KLRG1: variants seen among roughly 807,000 people sequenced by gnomAD.
The protein encoded by KLRG1 is killer cell lectin-like receptor subfamily G member 1.
A neutral mutation model predicts 21.8 loss-of-function variants in KLRG1; 16 were observed. That is an observed-to-expected ratio of 0.73 (90% CI 0.50 to 1.11). KLRG1 has a LOEUF of 1.11. Among genes scored for constraint, KLRG1 ranks in the 50% most tolerant of loss-of-function variants. The probability of loss-of-function intolerance (pLI) is 0.00; values close to 1 mark genes in which losing one functional copy is unlikely to be tolerated. For synonymous variants in KLRG1, 69 were observed against 75.9 expected (o/e 0.91, Z 0.47); for missense variants, 173 against 218.3 (o/e 0.79, Z 1.31).
At chr12:9,208,780 T>C in the KLRG1 span, among the ~76,000 whole-genome samples, 1 of 152,150 alleles carries the variant, frequency 6.6e-6, no homozygotes, top group Non-Finnish European at 1.5e-5. Context: ...AACTATAGAC[T>C]TTAGGGTTTT....
rs761117407 is a variant in KLRG1 at position 9,006,944 on chromosome 12, C to T, written c.358-2031C>T. Among the ~76,000 whole-genome samples the T allele has an allele frequency of 3.8e-4, 58 of 152,270 alleles. 2 individuals are homozygous for T. In the South Asian group the frequency reaches 8.1e-3, roughly 21 times the overall value. ...TATTTCAAATGATACTGGGAATGAA[C>T]GCAAAGGGATTTTGCAAACCTTAGA... On this transcript the variant is annotated intron_variant, in intron 3 of 4. Transcript: ENST00000356986.
chr12:9,192,507 CT>C, the KLRG1 span: 8 of 1,609,120 alleles, frequency 5.0e-6, no homozygotes, highest in South Asian at 8.8e-5. Flanking sequence ...TGGCCTCATT[CT>C]TACCAGGTAA....
chr12:8,979,039 A>C (rs1242185062), intron 1 of KLRG1, among the ~76,000 whole-genome samples: 3 of 113,810 alleles, frequency 2.6e-5, no homozygotes, highest in Non-Finnish European at 5.4e-5. Flanking sequence ...TTTTTTAGAC[A>C]TATCTTGCTC....
the KLRG1 span, chr12:9,067,721 A>G: frequency 7.9e-6 from 8 of 1,012,322 alleles, no homozygotes; most frequent in Non-Finnish European, 1.2e-5. Flanking sequence ...ATTGACCAGA[A>G]AAAGTGTTTA....
chr12:9,130,372 G>A, the KLRG1 span, among the ~76,000 whole-genome samples: 61 of 152,166 alleles, frequency 4.0e-4, no homozygotes, highest in African/African-American at 1.5e-3. Context: ...GAAACTTGAC[G>A]GTGTTTTCCA....
At chr12:9,153,367 GC>G in the KLRG1 span, 1 of 1,579,964 alleles carries the variant, frequency 6.3e-7, no homozygotes, top group Non-Finnish European at 8.7e-7. Context: ...GTGGACAACC[GC>G]CCCAAAGAGT....
At chr12:9,180,830 C>T in the KLRG1 span, among the ~76,000 whole-genome samples, 1 of 152,158 alleles carries the variant, frequency 6.6e-6, no homozygotes, top group Admixed American at 6.5e-5. Flanking sequence ...AGCTTCTGCA[C>T]AGCAAAAGAA....
intron 1 of KLRG1, among the ~76,000 whole-genome samples, chr12:8,956,267 G>C (rs1296492073): frequency 6.6e-6 from 1 of 152,168 alleles, no homozygotes; most frequent in Non-Finnish European, 1.5e-5. Context: ...CGCCAGGCCA[G>C]CCCAGGAGCC....
chr12:9,045,347 T>A, the KLRG1 span, among the ~76,000 whole-genome samples: 1 of 152,034 alleles, frequency 6.6e-6, no homozygotes, highest in African/African-American at 2.4e-5. Context: ...ACAGAGGAAA[T>A]TTTAGCCTCT....
At chr12:9,213,972 G>A in the KLRG1 span, among the ~76,000 whole-genome samples, 4 of 151,958 alleles carry the variant, frequency 2.6e-5, no homozygotes, top group East Asian at 7.7e-4. Flanking sequence ...TCTTACATTT[G>A]GGTTTGTAAT....
the KLRG1 span, among the ~76,000 whole-genome samples, chr12:9,117,377 G>A: frequency 3.5e-4 from 53 of 152,258 alleles, no homozygotes; most frequent in Admixed American, 1.1e-3. Context: ...AATAATATAG[G>A]TGAAAGCTGA....
intron 1 of KLRG1, among the ~76,000 whole-genome samples, chr12:8,955,216 A>G (rs934835255): frequency 2.6e-5 from 4 of 151,848 alleles, no homozygotes; most frequent in African/African-American, 9.7e-5. Flanking sequence ...CCTGGCCGAA[A>G]TATACAACTC....
At chr12:9,213,332 G>T in the KLRG1 span, among the ~76,000 whole-genome samples, 1 of 152,090 alleles carries the variant, frequency 6.6e-6, no homozygotes, top group Non-Finnish European at 1.5e-5. Context: ...TTTTTTGGGG[G>T]AATATATACA....
At chr12:9,210,246 C>G in the KLRG1 span, among the ~76,000 whole-genome samples, 1 of 152,112 alleles carries the variant, frequency 6.6e-6, no homozygotes, top group African/African-American at 2.4e-5. Context: ...TACTTTTTAT[C>G]AATCTGATGA....
At chr12:9,182,793 C>T in the KLRG1 span, among the ~76,000 whole-genome samples, 1 of 152,262 alleles carries the variant, frequency 6.6e-6, no homozygotes, top group African/African-American at 2.4e-5. Flanking sequence ...GAGTAGATGG[C>T]CCACATTTAG....
chr12:9,157,353 G>A, the KLRG1 span: 1 of 1,610,672 alleles, frequency 6.2e-7, no homozygotes, highest in Non-Finnish European at 8.5e-7. Context: ...GAACAATAGG[G>A]TTCTGTAAAG....
chr12:9,127,021 G>A, the KLRG1 span, among the ~76,000 whole-genome samples: 1 of 152,124 alleles, frequency 6.6e-6, no homozygotes, highest in Non-Finnish European at 1.5e-5. Flanking sequence ...CTTTCTAGGC[G>A]GTCTGTCATG....
the KLRG1 span, among the ~76,000 whole-genome samples, chr12:9,147,034 A>C: frequency 6.6e-6 from 1 of 152,212 alleles, no homozygotes; most frequent in Admixed American, 6.5e-5. Context: ...CTTTCTTCCA[A>C]GGTGGGGCTA....
At chr12:8,966,503 C>A (rs1266191370) in intron 1 of KLRG1, among the ~76,000 whole-genome samples, 1 of 151,792 alleles carries the variant, frequency 6.6e-6, no homozygotes. Context: ...AAAAAAACAA[C>A]CCCATCAAAA....
Sources: gnomAD v4.1 joint callset for allele counts (sites outside exome capture counted in the v4.1 genomes callset) on GRCh38, gnomAD v4.1.1 for gene constraint, MANE v1.5 for transcripts, NCBI Gene and HGNC (gene_info 2026-07-23, HGNC 2026-07-21) for gene names.